The following ANKRD46 variants were observed in gnomAD, a reference collection of about 807,000 sequenced individuals.
The protein encoded by ANKRD46 is ankyrin repeat domain-containing protein 46.
ANKRD46 carries 13 observed loss-of-function variants against 19.8 expected under a neutral mutation model. The observed-to-expected ratio is 0.66, with a 90% CI of 0.43 to 1.04. The LOEUF (loss-of-function observed/expected upper bound fraction) is 1.04. Among genes scored for constraint, ANKRD46 ranks in the 50% least tolerant of loss-of-function variants. ANKRD46 has a pLI of 0.00. For synonymous variants in ANKRD46, 91 were observed against 106.9 expected (o/e 0.85, Z 0.92); for missense variants, 185 against 274.8 (o/e 0.67, Z 2.31).
intron 1 of ANKRD46, among the ~76,000 whole-genome samples, chr8:100,552,715 T>C (rs1051217798): frequency 5.3e-5 from 8 of 152,216 alleles, no homozygotes; most frequent in East Asian, 3.8e-4. Context: ...GGTGTATAAA[T>C]GAGATACCTA....
rs1047915755 is a variant in ANKRD46, at chr8:100,534,199, C to T, written c.-130-888G>A. Among the ~76,000 whole-genome samples, 1 of 152,100 alleles carries T rather than the reference C, an allele frequency of 6.6e-6. No homozygotes were observed. The highest frequency in any genetic ancestry group is 1.5e-5 in the Non-Finnish European group (1 of 68,028). ...TTCATTGTTATCAAATCCCTGTGAA[C>T]AAATTTATATAGGGAAATAATTAAT... is the stretch of plus-strand genomic sequence containing the variant. On this transcript the variant is annotated intron_variant, in intron 1 of 4. Coordinates refer to ENST00000335659, the MANE Select transcript of ANKRD46 (RefSeq NM_001270377.2). This position sits in a 1 kb window ranked among gnomAD's most constrained non-coding sequence, Gnocchi z 4.2.
Position 100,545,036 on chromosome 8 carries a change from C to T in ANKRD46, c.-130-11725G>A, listed in dbSNP as rs145740451. Among the ~76,000 whole-genome samples, 14 of 152,274 alleles carry T rather than the reference C, an allele frequency of 9.2e-5. No homozygotes were observed. The East Asian group carries it at 1.9e-3, about 21-fold the overall frequency. ...CTTAATATCATATCTAAAACCAGCA[C>T]TCCAGAGGCTGGGTGTGCTGACTCA... is the stretch of plus-strand genomic sequence containing the variant. On this transcript the variant is annotated intron_variant, in intron 1 of 4. Transcript: ENST00000335659. The surrounding 1 kb of genome is among the most constrained non-coding windows in gnomAD (Gnocchi z 4.7).
rs962993961 is a variant in ANKRD46, at chr8:100,559,137, T to A, written c.-131+574A>T. On this transcript the variant is annotated intron_variant, in intron 1 of 4. Coordinates refer to ENST00000335659, the MANE Select transcript of ANKRD46 (RefSeq NM_001270377.2). The surrounding 1 kb of genome is among the most constrained non-coding windows in gnomAD (Gnocchi z 6.0). ...GTTGGGAAAACCTCAGAGAGAACGA[T>A]CTGCTTTTTAGCACTGCAAGCCAAT... is the stretch of plus-strand genomic sequence containing the variant. The A allele has an allele frequency of 6.6e-6, 1 of 152,220 alleles. No homozygotes were observed. The highest frequency in any genetic ancestry group is 1.9e-4 in the East Asian group (1 of 5,196). 9.4% of individuals were successfully genotyped at this position (152,220 alleles called of 1,614,324 possible).
intron 1 of ANKRD46, among the ~76,000 whole-genome samples, chr8:100,538,239 G>GA (rs11385079): frequency 0.83 from 126,608 of 151,736 alleles, 53,389 homozygotes; most frequent in African/African-American, 0.88. Flanking sequence ...AAATAAATAT[G>GA]AAAAAAAAGA....
rs182702811 is a variant in ANKRD46 at position 100,525,111 on chromosome 8, G to T, written c.471-2340C>A. ...CTGCAGAAGTTGTGCTGTCTTGGGG[G>T]AATCCTAAGAGAAATGGAAAATATT... On this transcript the variant is annotated intron_variant, in intron 4 of 4. Transcript: ENST00000335659. This position sits in a 1 kb window ranked among gnomAD's most constrained non-coding sequence, Gnocchi z 4.4. 4.3e-4 allele frequency among the ~76,000 whole-genome samples: 66 copies of T among 152,168 alleles called. No homozygotes were observed. The South Asian group carries it at 6.8e-3, about 16-fold the overall frequency.
At chr8:100,517,394 C>T (rs546315890), downstream of ANKRD46, among the ~76,000 whole-genome samples, 9 of 152,312 alleles carry the variant, frequency 5.9e-5, no homozygotes, top group East Asian at 3.9e-4. Context: ...AAATTTTCAA[C>T]GTTGCCAAGT....
At position 100,559,043 on chromosome 8, in the gene ANKRD46, T is replaced by C. The variant is rs1374028604; in HGVS notation, c.-131+668A>G. 6.6e-6 allele frequency: 1 copy of C among 152,192 alleles called. No individual in the cohort carries two copies. The highest frequency in any genetic ancestry group is 2.4e-5 in the African/African-American group (1 of 41,444). The allele number at this position is 152,192 out of a possible 1,614,324, so 9.4% of individuals were successfully genotyped here. ...ATTCAATGGCATATTTTTACCTTAT[T>C]ATGTTCTGTAGCCAATTCCGAATAC... On this transcript the variant is annotated intron_variant, in intron 1 of 4. Coordinates refer to ENST00000335659, the MANE Select transcript of ANKRD46 (RefSeq NM_001270377.2). This position sits in a 1 kb window ranked among gnomAD's most constrained non-coding sequence, Gnocchi z 6.0.
intron 1 of ANKRD46, among the ~76,000 whole-genome samples, chr8:100,556,403 T>C (rs922898165): frequency 6.6e-5 from 10 of 152,240 alleles, no homozygotes; most frequent in African/African-American, 2.4e-4. Flanking sequence ...GTATACATTA[T>C]TATTATGATC....
At chr8:100,552,149 TAAAAAAA>T (rs75161004) in intron 1 of ANKRD46, among the ~76,000 whole-genome samples, 2 of 120,520 alleles carry the variant, frequency 1.7e-5, no homozygotes, top group Non-Finnish European at 3.5e-5. Flanking sequence ...GACTCTGTCT[TAAAAAAA>T]AAAAAAAAAA....
rs907806989 is a variant in ANKRD46 at position 100,543,361 on chromosome 8, A to C, written c.-130-10050T>G. Among the ~76,000 whole-genome samples, 2 of 152,242 alleles carry C rather than the reference A, an allele frequency of 1.3e-5. No homozygotes were observed. Among genetic ancestry groups the C allele is most frequent in the Admixed American group, 6.5e-5 (1 of 15,280 alleles). On this transcript the variant is annotated intron_variant, in intron 1 of 4. Coordinates refer to ENST00000335659, the MANE Select transcript of ANKRD46 (RefSeq NM_001270377.2). This position sits in a 1 kb window ranked among gnomAD's most constrained non-coding sequence, Gnocchi z 4.2. Reference sequence around the variant, plus strand: ...TATTTTGCGATTTGTTCTATAACAAATACTAAGGAAACTGGGAATAAAATG... The same window carrying C: ...TATTTTGCGATTTGTTCTATAACAACTACTAAGGAAACTGGGAATAAAATG...
Position 100,522,606 on chromosome 8 carries a change from A to G in ANKRD46, c.636T>C (p.Tyr212=), listed in dbSNP as rs763554095. The change falls in exon 5 of 5, where the codon TAT becomes TAC. Residue 212 remains tyrosine, a synonymous_variant. Coordinates refer to ENST00000335659, the MANE Select transcript of ANKRD46 (RefSeq NM_001270377.2). ...CCACGAAGGGTAGCACCCCACTCAC[A>G]TAATAAGCAATGCCAAGAGACAGCA... ...IALLSLGIAY[Y]VSGVLPFVEN... 1 of 1,614,110 alleles carries G rather than the reference A, an allele frequency of 6.2e-7. No individual in the cohort carries two copies. The highest frequency in any genetic ancestry group is 1.3e-5 in the African/African-American group (1 of 75,006).
rs1366100259 is a variant in ANKRD46, at chr8:100,529,825, A to G, written c.9T>C (p.Tyr3=). ...TCTGAGAAGAATCATTTACAAAAACATACGACATTGTTCTGATGTGGTGGA... is the reference window on the plus strand; with the variant it reads ...TCTGAGAAGAATCATTTACAAAAACGTACGACATTGTTCTGATGTGGTGGA... MS[Y]VFVNDSSQTN... The change falls in exon 3 of 5, where the codon TAT becomes TAC. Residue 3 remains tyrosine, a synonymous_variant. Transcript: ENST00000335659. The surrounding 1 kb of genome is among the most constrained non-coding windows in gnomAD (Gnocchi z 5.8). The G allele has an allele frequency of 1.9e-6, 3 of 1,614,048 alleles. No individual in the cohort carries two copies. The highest frequency in any genetic ancestry group is 1.1e-5 in the South Asian group (1 of 91,088).
In ANKRD46 at chr8:100,545,422, C is replaced by G. The variant is rs749172403; in HGVS notation, c.-130-12111G>C. On this transcript the variant is annotated intron_variant, in intron 1 of 4. Coordinates refer to ENST00000335659, the MANE Select transcript of ANKRD46 (RefSeq NM_001270377.2). The surrounding 1 kb of genome is among the most constrained non-coding windows in gnomAD (Gnocchi z 4.7). ...GACGGTTTTAAAATTGGTCGTTTCC[C>G]CTACACATTCTCTCTTGCCGCCATG... Among the ~76,000 whole-genome samples the G allele has an allele frequency of 1.2e-4, 18 of 152,064 alleles. No individual in the cohort carries two copies. The highest frequency in any genetic ancestry group is 1.9e-4 in the Non-Finnish European group (13 of 68,018).
At position 100,559,715 on chromosome 8, in the gene ANKRD46, G is replaced by GT. The variant is rs1812576547; in HGVS notation, c.-136_-135insA. The GT allele has an allele frequency of 6.5e-6, 1 of 152,982 alleles. No homozygotes were observed. The highest frequency in any genetic ancestry group is 1.5e-5 in the Non-Finnish European group (1 of 68,650). 9.5% of individuals were successfully genotyped at this position (152,982 alleles called of 1,614,324 possible). ...CACAGGCCCCGGGCCAAGTACCTGCGACTCGAACGAGCAGCAGCGACAGCG... is the reference window on the plus strand; with the variant it reads ...CACAGGCCCCGGGCCAAGTACCTGCGTACTCGAACGAGCAGCAGCGACAGCG... On this transcript the variant is annotated 5_prime_UTR_variant, in exon 1 of 5. Transcript: ENST00000335659. The surrounding 1 kb of genome is among the most constrained non-coding windows in gnomAD (Gnocchi z 6.0).
chr8:100,545,946 G>C lies in ANKRD46; in HGVS notation c.-130-12635C>G, dbSNP rs1306559270. ...TTGAACTTGAGAGAGATGATTTAGG[G>C]TATCTGGCAGAAGAAATTTCTAAGC... On this transcript the variant is annotated intron_variant, in intron 1 of 4. Coordinates refer to ENST00000335659, the MANE Select transcript of ANKRD46 (RefSeq NM_001270377.2). The surrounding 1 kb of genome is among the most constrained non-coding windows in gnomAD (Gnocchi z 4.7). Among the ~76,000 whole-genome samples, 1 of 152,186 alleles carries C rather than the reference G, an allele frequency of 6.6e-6. No individual in the cohort carries two copies. The highest frequency in any genetic ancestry group is 2.1e-4 in the South Asian group (1 of 4,820).
chr8:100,510,776 C>A lies in ANKRD46; in HGVS notation c.637-137G>T. On this transcript the variant is annotated intron_variant, in intron 5 of 5. Transcript: ENST00000520552. This position sits in a 1 kb window ranked among gnomAD's most constrained non-coding sequence, Gnocchi z 4.9. ...AGGCTTGCTTCTCCTCTGCCCATCTCAGCTCTCAACGCTCACAGGAAGGGT... is the reference window on the plus strand; with the variant it reads ...AGGCTTGCTTCTCCTCTGCCCATCTAAGCTCTCAACGCTCACAGGAAGGGT... 6 of 732,314 alleles carry A rather than the reference C, an allele frequency of 8.2e-6. No homozygotes were observed. The highest frequency in any genetic ancestry group is 1.3e-5 in the Non-Finnish European group (6 of 472,444). 45.4% of individuals were successfully genotyped at this position (732,314 alleles called of 1,614,324 possible).
At chr8:100,530,557 G>C (rs978605362) in intron 2 of ANKRD46, among the ~76,000 whole-genome samples, 1 of 151,992 alleles carries the variant, frequency 6.6e-6, no homozygotes, top group African/African-American at 2.4e-5. Flanking sequence ...CTAATTTTTT[G>C]TATTTTTAGT....
downstream of ANKRD46, among the ~76,000 whole-genome samples, chr8:100,517,722 T>C (rs7011617): frequency 4.6e-5 from 7 of 152,214 alleles, no homozygotes; most frequent in African/African-American, 1.7e-4. Flanking sequence ...ACAAAGGAAT[T>C]AACCTCATCC....
chr8:100,556,357 G>A (rs1236700744), intron 1 of ANKRD46, among the ~76,000 whole-genome samples: 2 of 152,088 alleles, frequency 1.3e-5, no homozygotes, highest in African/African-American at 4.8e-5. Context: ...AATGTACTAC[G>A]TAAAAAGGAC....
Sources: allele counts gnomAD v4.1 joint callset (sites outside exome capture counted in the v4.1 genomes callset), GRCh38; gene constraint gnomAD v4.1.1; non-coding constraint Gnocchi (gnomAD v3.1); transcripts MANE v1.5; gene names NCBI Gene and HGNC (gene_info 2026-07-23, HGNC 2026-07-21).